The following GLIS3 variants were observed in gnomAD, a reference collection of about 807,000 sequenced individuals.
The protein encoded by GLIS3 is GLIS family zinc finger 3, also known as zinc finger protein GLIS3.
In GLIS3, 53 loss-of-function variants were observed where a neutral mutation model predicts 78.6. That is an observed-to-expected ratio of 0.67 (90% CI 0.54 to 0.85). The LOEUF is 0.85. Among genes scored for constraint, GLIS3 ranks in the 40% least tolerant of loss-of-function variants. The pLI, the probability that GLIS3 is intolerant of heterozygous loss-of-function variation, is 0.00. For missense variants in GLIS3, 1,703 were observed against 1,231.1 expected (o/e 1.38, Z -5.74); for synonymous variants, 684 against 509.9 (o/e 1.34, Z -4.60).
At chr9:4,318,376 A>T (rs962512955) in intron 2 of GLIS3, among the ~76,000 whole-genome samples, 3 of 152,310 alleles carry the variant, frequency 2.0e-5, no homozygotes, top group East Asian at 1.9e-4. Flanking sequence ...TTCTGAATAC[A>T]TCCCTCACTA....
At chr9:4,263,655 C>T (rs1825728565) in intron 2 of GLIS3, among the ~76,000 whole-genome samples, 1 of 152,248 alleles carries the variant, frequency 6.6e-6, no homozygotes. Context: ...CCAGCCACAA[C>T]ATGGCCTTTG....
the GLIS3 span, among the ~76,000 whole-genome samples, chr9:4,367,633 CAAAA>C: frequency 3.2e-5 from 2 of 62,012 alleles, no homozygotes; most frequent in African/African-American, 5.7e-5. Context: ...GACTCCATCT[CAAAA>C]AAAAAAAAAA....
intron 2 of GLIS3, among the ~76,000 whole-genome samples, chr9:4,189,517 G>T (rs920860790): frequency 3.3e-5 from 5 of 152,098 alleles, no homozygotes; most frequent in Non-Finnish European, 7.4e-5. Context: ...GGTCTGCTTG[G>T]TGCAGAGCTG....
At chr9:4,065,575 C>G (rs1827029010) in intron 4 of GLIS3, among the ~76,000 whole-genome samples, 1 of 152,150 alleles carries the variant, frequency 6.6e-6, no homozygotes. Flanking sequence ...AATTAGCAAA[C>G]AGGCTTATGA....
At chr9:4,310,221 G>A (rs1817327478) in intron 3 of GLIS3, among the ~76,000 whole-genome samples, 1 of 152,200 alleles carries the variant, frequency 6.6e-6, no homozygotes, top group Non-Finnish European at 1.5e-5. Flanking sequence ...GCAAGGGGTA[G>A]ATGGGCCTTT....
chr9:3,943,886 G>A (rs993659954), intron 4 of GLIS3, among the ~76,000 whole-genome samples: 1 of 152,114 alleles, frequency 6.6e-6, no homozygotes, highest in Non-Finnish European at 1.5e-5. Flanking sequence ...TTTCTGTCAT[G>A]TTTTCCTAAA....
chr9:4,248,719 T>C (rs1824055635), intron 2 of GLIS3, among the ~76,000 whole-genome samples: 1 of 152,244 alleles, frequency 6.6e-6, no homozygotes, highest in Admixed American at 6.5e-5. Context: ...TGTAAAAGCA[T>C]TCCTATTTCT....
chr9:3,829,272 G>T (rs1817903702), intron 10 of GLIS3, 38 bp downstream of exon 10: 5 of 1,578,844 alleles, frequency 3.2e-6, no homozygotes, highest in Middle Eastern at 1.7e-4. Context: ...TCTCCTGTCA[G>T]TTGACAGGAT....
the GLIS3 span, among the ~76,000 whole-genome samples, chr9:4,416,914 G>A: frequency 6.7e-6 from 1 of 149,206 alleles, no homozygotes; most frequent in African/African-American, 2.5e-5. Flanking sequence ...TGCCTCCCAG[G>A]TTCAAGCGAT....
chr9:4,371,127 T>A, the GLIS3 span, among the ~76,000 whole-genome samples: 678 of 152,336 alleles, frequency 4.5e-3, 5 homozygotes, highest in African/African-American at 0.015. Context: ...TTGGTTCTTT[T>A]TAAAAATGCA....
chr9:4,234,015 C>A (rs1193232339), intron 2 of GLIS3, among the ~76,000 whole-genome samples: 1 of 152,184 alleles, frequency 6.6e-6, no homozygotes, highest in East Asian at 1.9e-4. Flanking sequence ...GTCTCTCAGC[C>A]TTTGTAACAC....
At chr9:3,874,753 G>C (rs1296537818) in intron 8 of GLIS3, among the ~76,000 whole-genome samples, 2 of 152,198 alleles carry the variant, frequency 1.3e-5, no homozygotes, top group Admixed American at 6.5e-5. Context: ...GTTGGTCACA[G>C]AAACGTTTTG....
At chr9:3,908,581 A>G (rs1266035334) in intron 6 of GLIS3, among the ~76,000 whole-genome samples, 1 of 152,190 alleles carries the variant, frequency 6.6e-6, no homozygotes, top group Non-Finnish European at 1.5e-5. Flanking sequence ...CAACCTTACT[A>G]GTGAAATCAC....
the GLIS3 span, among the ~76,000 whole-genome samples, chr9:4,356,611 A>T: frequency 1.3e-5 from 2 of 152,236 alleles, no homozygotes; most frequent in African/African-American, 4.8e-5. Flanking sequence ...TATTGCTTTT[A>T]AAATACAAAG....
chr9:4,183,819 G>A (rs900265542), intron 2 of GLIS3, among the ~76,000 whole-genome samples: 2 of 152,118 alleles, frequency 1.3e-5, no homozygotes, highest in Admixed American at 6.5e-5. Context: ...TTCTTTCACA[G>A]GTTAGTTGTT....
intron 7 of GLIS3, 107 bp downstream of exon 7, chr9:3,898,584 A>G: frequency 7.5e-7 from 1 of 1,339,288 alleles, no homozygotes; most frequent in Non-Finnish European, 1.1e-6. Context: ...ATAAAGAACA[A>G]CACAGACGAT....
chr9:4,457,691 CA>C, the GLIS3 span, among the ~76,000 whole-genome samples: 72 of 149,760 alleles, frequency 4.8e-4, 1 homozygote, highest in Non-Finnish European at 8.2e-4. Flanking sequence ...ACTAAAAATA[CA>C]AAAAAAAATT....
intron 8 of GLIS3, among the ~76,000 whole-genome samples, chr9:3,857,212 C>T (rs1011627344): frequency 2.6e-5 from 4 of 152,192 alleles, no homozygotes; most frequent in African/African-American, 7.2e-5. Context: ...CAAAAAGTCC[C>T]AGTAAGCTGA....
At chr9:3,913,006 T>C (rs1184172862) in intron 6 of GLIS3, among the ~76,000 whole-genome samples, 2 of 152,162 alleles carry the variant, frequency 1.3e-5, no homozygotes, top group Non-Finnish European at 2.9e-5. Context: ...ATTCAAGTAT[T>C]CTCAGGGTTT....
Sources: allele counts gnomAD v4.1 joint callset (sites outside exome capture counted in the v4.1 genomes callset), GRCh38; gene constraint gnomAD v4.1.1; transcripts MANE v1.5; gene names NCBI Gene and HGNC (gene_info 2026-07-23, HGNC 2026-07-21).